The following ST7L variants were observed in gnomAD, a reference collection of about 807,000 sequenced individuals.
ST7L encodes the protein suppression of tumorigenicity 7 like.
A neutral mutation model predicts 72.5 loss-of-function variants in ST7L; 57 were observed. The ratio of observed to expected loss-of-function variants is 0.79; its 90% CI spans 0.64 to 0.98. The LOEUF is 0.98. Among genes scored for constraint, ST7L ranks in the 50% least tolerant of loss-of-function variants. The pLI, the probability that ST7L is intolerant of heterozygous loss-of-function variation, is 0.00. For synonymous variants in ST7L, 221 were observed against 240.9 expected (o/e 0.92, Z 0.77); for missense variants, 576 against 672.2 (o/e 0.86, Z 1.58).
rs575568778 is a variant in ST7L, at chr1:112,602,857, A to G, written c.452-2009T>C. On this transcript the variant is annotated intron_variant, in intron 3 of 14. Transcript: ENST00000358039. The stretch of plus-strand genomic sequence containing the variant: ...CAGCCTCCCGAGTAGCTGGGACTAC[A>G]GGTGCACCCACCACCACGCCCGGCT... 9.0e-4 allele frequency among the ~76,000 whole-genome samples: 137 copies of G among 151,856 alleles called. 1 individual carries two copies. Among genetic ancestry groups the G allele is most frequent in the African/African-American group, 3.2e-3 (133 of 41,420 alleles).
chr1:112,553,257 CACAT>C (rs1658540460), intron 12 of ST7L, among the ~76,000 whole-genome samples: 1 of 152,022 alleles, frequency 6.6e-6, no homozygotes, highest in Non-Finnish European at 1.5e-5. Context: ...CACACACACA[CACAT>C]ATTAGAGAGA....
chr1:112,555,361 C>T (rs1225803406), intron 12 of ST7L, among the ~76,000 whole-genome samples: 7 of 152,034 alleles, frequency 4.6e-5, no homozygotes, highest in Admixed American at 1.3e-4. Context: ...ATCAGGAGAT[C>T]GAGACCATCC....
intron 6 of ST7L, among the ~76,000 whole-genome samples, chr1:112,586,302 G>A (rs1664860690): frequency 6.6e-6 from 1 of 152,102 alleles, no homozygotes; most frequent in Non-Finnish European, 1.5e-5. Flanking sequence ...TTAGCTGGGT[G>A]TGGTTGTGTG....
At chr1:112,535,388 T>TAAG (rs1378333290) in intron 14 of ST7L, among the ~76,000 whole-genome samples, 1 of 147,990 alleles carries the variant, frequency 6.8e-6, no homozygotes, top group East Asian at 2.0e-4. Context: ...ATAATACTAA[T>TAAG]AATAATAAGA....
chr1:112,561,177 C>CT (rs1323909795), intron 11 of ST7L, among the ~76,000 whole-genome samples: 6 of 150,112 alleles, frequency 4.0e-5, no homozygotes, highest in Non-Finnish European at 8.9e-5. Context: ...TTTTTTCAGT[C>CT]TTTTTTTTTC....
At chr1:112,523,508 C>T (rs1652994372), downstream of ST7L, 1 of 152,122 alleles carries the variant, frequency 6.6e-6, no homozygotes. Context: ...CACAAATAGA[C>T]ACTAATTTAT....
intron 13 of ST7L, among the ~76,000 whole-genome samples, chr1:112,548,366 C>T (rs1328881663): frequency 6.6e-6 from 1 of 151,586 alleles, no homozygotes; most frequent in Non-Finnish European, 1.5e-5. Flanking sequence ...TCTCAAAAAA[C>T]AAAAAAAGAA....
intron 11 of ST7L, among the ~76,000 whole-genome samples, chr1:112,572,637 G>T (rs1662330073): frequency 6.6e-6 from 1 of 152,194 alleles, no homozygotes; most frequent in Non-Finnish European, 1.5e-5. Context: ...AGCACTTTGG[G>T]AGGCTGAGGA....
intron 11 of ST7L, among the ~76,000 whole-genome samples, chr1:112,573,942 T>C (rs1286965687): frequency 8.0e-6 from 1 of 125,328 alleles, no homozygotes; most frequent in Non-Finnish European, 1.6e-5. Context: ...TGAGACGGAG[T>C]CTCACTCTGT....
chr1:112,602,840 C>T (rs1441881294), intron 3 of ST7L, among the ~76,000 whole-genome samples: 2 of 151,674 alleles, frequency 1.3e-5, no homozygotes, highest in Admixed American at 6.6e-5. Context: ...CTCAGCCTCC[C>T]GAGTAGCTGG....
At chr1:112,526,247 C>A in intron 14 of ST7L, 136 bp from the exon 15 acceptor site, 6 of 1,173,198 alleles carry the variant, frequency 5.1e-6, no homozygotes, top group East Asian at 2.4e-5. Flanking sequence ...GCTCTTTTGC[C>A]ATTTCTGCCA....
At chr1:112,598,474 G>A (rs1363146680) in intron 4 of ST7L, among the ~76,000 whole-genome samples, 1 of 151,380 alleles carries the variant, frequency 6.6e-6, no homozygotes, top group Admixed American at 6.6e-5. Flanking sequence ...ATTCAGCCAG[G>A]TGCAGTGGCT....
At chr1:112,602,175 T>C (rs1667526374) in intron 3 of ST7L, among the ~76,000 whole-genome samples, 1 of 152,010 alleles carries the variant, frequency 6.6e-6, no homozygotes, top group African/African-American at 2.4e-5. Flanking sequence ...AGTTTAGATA[T>C]TATCCTTGGT....
chr1:112,540,327 TTC>T, intron 14 of ST7L: 1 of 985,446 alleles, frequency 1.0e-6, no homozygotes, highest in Non-Finnish European at 1.2e-6. Flanking sequence ...ATGGATGGAA[TTC>T]TCTTTCTAGG....
intron 4 of ST7L, among the ~76,000 whole-genome samples, chr1:112,599,106 ATATATG>A (rs1299983628): frequency 3.7e-5 from 3 of 80,862 alleles, no homozygotes; most frequent in East Asian, 7.5e-4. Flanking sequence ...ATATATATAT[ATATATG>A]TGGATGTGTG....
At chr1:112,550,495 CA>C in intron 13 of ST7L, 105 bp downstream of exon 13, 1 of 748,108 alleles carries the variant, frequency 1.3e-6, no homozygotes, top group Middle Eastern at 3.5e-4. Context: ...AGTATTTAAA[CA>C]GTGTCCTGAA....
intron 6 of ST7L, among the ~76,000 whole-genome samples, chr1:112,587,724 G>A (rs185051462): frequency 5.0e-4 from 76 of 152,200 alleles, no homozygotes; most frequent in African/African-American, 1.7e-3. Flanking sequence ...GTAGCTTTGC[G>A]GTAAGTTTTT....
intron 11 of ST7L, among the ~76,000 whole-genome samples, chr1:112,576,784 A>T (rs74111163): frequency 0.055 from 8,415 of 152,310 alleles, 438 homozygotes; most frequent in Admixed American, 0.17. Flanking sequence ...ATTACAAAGC[A>T]TATAGCTAAC....
Position 112,619,099 on chromosome 1 carries a change from G to T in ST7L, c.15C>A (p.Gly5=), listed in dbSNP as rs1211948511. 6.2e-7 allele frequency: 1 copy of T among 1,613,352 alleles called. No individual in the cohort carries two copies. The highest frequency in any genetic ancestry group is 8.5e-7 in the Non-Finnish European group (1 of 1,179,880). MADR[G]GVGEAAAVGA... is the part of the protein sequence containing the mutation. Reference sequence around the variant, plus strand: ...CAACAGCTGCGGCTTCACCCACGCCGCCACGGTCCGCCATCTTGCCGCTAT... The same window carrying T: ...CAACAGCTGCGGCTTCACCCACGCCTCCACGGTCCGCCATCTTGCCGCTAT... The change falls in exon 1 of 15, where the codon GGC becomes GGA. Residue 5 remains glycine, a synonymous_variant. Transcript: ENST00000358039.
Sources: allele counts gnomAD v4.1 joint callset (sites outside exome capture counted in the v4.1 genomes callset), GRCh38; gene constraint gnomAD v4.1.1; transcripts MANE v1.5; gene names NCBI Gene and HGNC (gene_info 2026-07-23, HGNC 2026-07-21).